HACL1: variants seen among roughly 807,000 people sequenced by gnomAD.
HACL1 encodes the protein 1600020H07Rik.
In HACL1, 64 loss-of-function variants were observed where a neutral mutation model predicts 74.2. The observed-to-expected ratio is 0.86, with a 90% CI of 0.70 to 1.06. The LOEUF (loss-of-function observed/expected upper bound fraction) is 1.06, where lower values mean the gene tolerates loss of function less well. Among genes scored for constraint, HACL1 ranks in the 50% least tolerant of loss-of-function variants. The pLI, the probability that HACL1 is intolerant of heterozygous loss-of-function variation, is 0.00. For synonymous variants in HACL1, 230 were observed against 238.8 expected (o/e 0.96, Z 0.34); for missense variants, 728 against 719.7 (o/e 1.01, Z -0.13).
chr3:15,590,487 A>G (rs1404870670), intron 4 of HACL1, among the ~76,000 whole-genome samples: 1 of 152,226 alleles, frequency 6.6e-6, no homozygotes, highest in Admixed American at 6.5e-5. Context: ...TAGAAAGATT[A>G]AATATGTTCC....
Position 15,560,803 on chromosome 3 carries a change from G to T in HACL1, c.*62C>A. On this transcript the variant is annotated 3_prime_UTR_variant, in exon 17 of 17. Transcript: ENST00000321169. ...TTTAACAGTAGAGTAATTTTGCTGTGGAAAATAAAATTTCATCTTGCAAGA... is the reference window on the plus strand; with the variant it reads ...TTTAACAGTAGAGTAATTTTGCTGTTGAAAATAAAATTTCATCTTGCAAGA... 1 of 1,133,456 alleles carries T rather than the reference G, an allele frequency of 8.8e-7. No homozygotes were observed. Among genetic ancestry groups the T allele is most frequent in the Non-Finnish European group, 1.3e-6 (1 of 755,000 alleles). The allele number at this position is 1,133,456 out of a possible 1,614,324, so 70.2% of individuals were successfully genotyped here. A position where few individuals can be genotyped will look rare whatever the true frequency, so the allele number is the denominator to read the frequency against.
At chr3:15,583,650 TC>T (rs2063747226) in intron 7 of HACL1, among the ~76,000 whole-genome samples, 2 of 151,218 alleles carry the variant, frequency 1.3e-5, no homozygotes, top group Non-Finnish European at 2.9e-5. Context: ...TTTTTTTTTT[TC>T]TTTTCTTTTT....
chr3:15,594,064 G>A (rs1559563371), intron 3 of HACL1, among the ~76,000 whole-genome samples: 1 of 152,134 alleles, frequency 6.6e-6, no homozygotes, highest in African/African-American at 2.4e-5. Context: ...CTCCCAAAGT[G>A]CTGGGATTAC....
Position 15,585,597 on chromosome 3 carries a change from G to T in HACL1, c.460-255C>A, listed in dbSNP as rs116853704. 3.2e-3 allele frequency among the ~76,000 whole-genome samples: 487 copies of T among 152,226 alleles called. 4 individuals are homozygous for T. The East Asian group carries it at 0.037, about 11-fold the overall frequency. ...TTCATGTTCTATTACACTTTAGCTT[G>T]GGAAATTATTCACCCGGCTCTGCCT... On this transcript the variant is annotated intron_variant, in intron 6 of 16. Coordinates refer to ENST00000321169, the MANE Select transcript of HACL1 (RefSeq NM_012260.4).
At chr3:15,585,213 A>C in intron 7 of HACL1, 35 bp downstream of exon 7, 1 of 1,011,964 alleles carries the variant, frequency 9.9e-7, no homozygotes, top group Non-Finnish European at 1.6e-6. Flanking sequence ...ATACATGTAC[A>C]TTGAAGAAAG....
intron 8 of HACL1, among the ~76,000 whole-genome samples, chr3:15,581,679 C>A (rs909774090): frequency 1.3e-5 from 2 of 152,192 alleles, no homozygotes; most frequent in Non-Finnish European, 2.9e-5. Flanking sequence ...ACTATCTACA[C>A]AAGCAAATTG....
At chr3:15,593,794 G>GTTTTTTTTTTTTTTTTTT (rs1559563174) in intron 3 of HACL1, among the ~76,000 whole-genome samples, 1 of 116,660 alleles carries the variant, frequency 8.6e-6, no homozygotes, top group Non-Finnish European at 1.8e-5. Context: ...TTTTTTTTTT[G>GTTTTTTTTTTTTTTTTTT]TCTTTTTTTT....
chr3:15,591,414 T>C (rs1010932367), intron 4 of HACL1, among the ~76,000 whole-genome samples, 186 bp downstream of exon 4: 3 of 152,080 alleles, frequency 2.0e-5, no homozygotes, highest in African/African-American at 7.2e-5. Context: ...CCCTTTGACC[T>C]ATCTCCCTAT....
rs779922996 is a variant in HACL1, at chr3:15,601,554, CT to C, written c.-92del. 1.9e-6 allele frequency: 3 copies of C among 1,603,884 alleles called. No individual in the cohort carries two copies. Among genetic ancestry groups the C allele is most frequent in the East Asian group, 2.2e-5 (1 of 44,850 alleles). ...ACGCGAAATCGGCAGCACGCCACCT[CT>C]GGTACTGCACCTCTGACGGACAGGA... On this transcript the variant is annotated 5_prime_UTR_variant, in exon 1 of 17. Coordinates refer to ENST00000321169, the MANE Select transcript of HACL1 (RefSeq NM_012260.4).
rs757505367 is a variant in HACL1, at chr3:15,596,450, G to A, written c.187-26C>T. 23 of 1,470,106 alleles carry A rather than the reference G, an allele frequency of 1.6e-5. No homozygotes were observed. The African/African-American group carries it at 2.1e-4, about 13-fold the overall frequency. 91.1% of individuals were successfully genotyped at this position (1,470,106 alleles called of 1,614,324 possible). On this transcript the variant is annotated intron_variant, in intron 2 of 16. Coordinates refer to ENST00000321169, the MANE Select transcript of HACL1 (RefSeq NM_012260.4). ...CTACGAGAAAACAACACTGGGACTT[G>A]AGCATATTGGGATCCTTATAGTACA...
chr3:15,590,492 T>C (rs1574938352), intron 4 of HACL1, among the ~76,000 whole-genome samples: 1 of 152,226 alleles, frequency 6.6e-6, no homozygotes, highest in Admixed American at 6.5e-5. Flanking sequence ...AGATTAAATA[T>C]GTTCCAAATT....
chr3:15,589,439 G>T, intron 5 of HACL1, 101 bp downstream of exon 5: 2 of 709,364 alleles, frequency 2.8e-6, no homozygotes, highest in Non-Finnish European at 5.0e-6. Context: ...CAAGACTGCA[G>T]TGAGCTGAGA....
intron 2 of HACL1, among the ~76,000 whole-genome samples, chr3:15,598,064 G>T: frequency 6.9e-6 from 1 of 145,650 alleles, no homozygotes. Flanking sequence ...CGCTCTTGTT[G>T]CCCAGGCTGG....
At chr3:15,574,893 A>C (rs2063596084) in intron 10 of HACL1, 84 bp downstream of exon 10, 2 of 593,236 alleles carry the variant, frequency 3.4e-6, no homozygotes, top group Non-Finnish European at 6.1e-6. Context: ...ATAGTAATCA[A>C]GAAGATAACA....
At chr3:15,595,970 T>A (rs569675284) in intron 3 of HACL1, 86 of 153,702 alleles carry the variant, frequency 5.6e-4, no homozygotes, top group African/African-American at 2.0e-3. Flanking sequence ...ATGGACATTT[T>A]AAAAATGTAT....
chr3:15,581,046 C>A (rs537678672), intron 8 of HACL1, among the ~76,000 whole-genome samples: 1 of 152,318 alleles, frequency 6.6e-6, no homozygotes, highest in Admixed American at 6.5e-5. Context: ...GGATTACAGG[C>A]GCCTGCCACC....
At chr3:15,592,261 T>C (rs898401225) in intron 3 of HACL1, among the ~76,000 whole-genome samples, 3 of 150,148 alleles carry the variant, frequency 2.0e-5, no homozygotes, top group Non-Finnish European at 4.5e-5. Context: ...TATATATGGA[T>C]CCATATATAC....
chr3:15,563,430 C>G lies in HACL1; in HGVS notation c.1632G>C (p.Gln544His), dbSNP rs147740656. 2.7e-5 allele frequency: 43 copies of G among 1,613,322 alleles called. No homozygotes were observed. The East Asian group carries it at 9.4e-4, about 35-fold the overall frequency. The change falls in exon 16 of 17, where the codon CAG becomes CAC. Residue 544 changes from glutamine to histidine, a missense_variant. By Grantham distance (24) the Gln-to-His change is conservative. Coordinates refer to ENST00000321169, the MANE Select transcript of HACL1 (RefSeq NM_012260.4). ...AAGGTTTAGTTGTGTCTGCTAGGCT[C>G]TGCCTCAGGGATTTTTGGAGTTCTT... ...TPEELQKSLR[Q>H]SLADTTKPSL...
At chr3:15,578,113 A>C (rs1287893476) in intron 9 of HACL1, among the ~76,000 whole-genome samples, 1 of 151,376 alleles carries the variant, frequency 6.6e-6, no homozygotes, top group East Asian at 1.9e-4. Flanking sequence ...AAAAAAAAAA[A>C]AAAAACCAAA....
Sources: allele counts gnomAD v4.1 joint callset (sites outside exome capture counted in the v4.1 genomes callset), GRCh38; gene constraint gnomAD v4.1.1; transcripts MANE v1.5; gene names NCBI Gene and HGNC (gene_info 2026-07-23, HGNC 2026-07-21).